The following ME3 variants were observed in gnomAD, a reference collection of about 807,000 sequenced individuals.
The protein encoded by ME3 is malic enzyme 3.
In ME3, 48 loss-of-function variants were observed where a neutral mutation model predicts 68.9. The observed-to-expected ratio is 0.70, with a 90% confidence interval of 0.55 to 0.89. The LOEUF (loss-of-function observed/expected upper bound fraction) is 0.89. Ranked by LOEUF, ME3 falls within the 40% of genes least tolerant of loss-of-function variation. The pLI, the probability that ME3 is intolerant of heterozygous loss-of-function variation, is 0.00. For synonymous variants in ME3, 320 were observed against 318.8 expected (o/e 1.00, Z -0.04); for missense variants, 675 against 797.4 (o/e 0.85, Z 1.85).
rs190644048 is a variant in ME3 at position 86,544,354 on chromosome 11, A to G, written c.467+12199T>C. Among the ~76,000 whole-genome samples the G allele has an allele frequency of 3.3e-3, 505 of 152,326 alleles. 3 individuals carry two copies. Among genetic ancestry groups the G allele is most frequent in the Admixed American group, 0.012 (177 of 15,296 alleles). On this transcript the variant is annotated intron_variant, in intron 4 of 14. Transcript: ENST00000543262. ...ACACAAAAAAAATTCAAAAAAATCAATGAATCCAGGAGCTGGTTTTTTGAA... is the reference window on the plus strand; with the variant it reads ...ACACAAAAAAAATTCAAAAAAATCAGTGAATCCAGGAGCTGGTTTTTTGAA...
At chr11:86,555,487 A>G (rs916066353) in intron 4 of ME3, among the ~76,000 whole-genome samples, 2 of 152,180 alleles carry the variant, frequency 1.3e-5, no homozygotes, top group Non-Finnish European at 2.9e-5. Flanking sequence ...GCCCTGGCAT[A>G]GTGAGCCTCT....
chr11:86,571,400 T>G (rs1051225736), intron 2 of ME3, among the ~76,000 whole-genome samples: 2 of 152,182 alleles, frequency 1.3e-5, no homozygotes, highest in African/African-American at 4.8e-5. Flanking sequence ...ATAACTAGTT[T>G]GTGGCAGCCT....
At chr11:86,492,178 G>T (rs1314895007) in intron 6 of ME3, among the ~76,000 whole-genome samples, 4 of 152,332 alleles carry the variant, frequency 2.6e-5, no homozygotes, top group Non-Finnish European at 2.9e-5. Context: ...CTGTTAAATA[G>T]GGAATAATGA....
chr11:86,662,638 T>TA (rs1275838928), intron 2 of ME3, among the ~76,000 whole-genome samples: 3 of 152,136 alleles, frequency 2.0e-5, no homozygotes, highest in Non-Finnish European at 4.4e-5. Context: ...ACAGGAATAA[T>TA]ATAATAACAG....
In ME3 at chr11:86,653,420, T is replaced by C. The variant is rs550398015; in HGVS notation, c.183+18342A>G. On this transcript the variant is annotated intron_variant, in intron 2 of 14. Coordinates refer to ENST00000543262, the Ensembl canonical transcript of ME3. ...CTCTCAGACCACAGTGCAATCAAAC[T>C]AGAACTCAGGATTAAGAAACTCTCT... Among the ~76,000 whole-genome samples the C allele has an allele frequency of 1.3e-4, 20 of 152,286 alleles. No individual in the cohort carries two copies. In the South Asian group the frequency reaches 3.9e-3, roughly 30 times the overall value.
intron 2 of ME3, among the ~76,000 whole-genome samples, chr11:86,562,362 G>C (rs1341999416): frequency 1.3e-5 from 2 of 152,184 alleles, no homozygotes; most frequent in Admixed American, 1.3e-4. Context: ...TTCCTGTGCA[G>C]GTTTTTGTGA....
rs144176128 is a variant in ME3, at chr11:86,630,143, T to C, written c.183+41619A>G. 4.0e-3 allele frequency among the ~76,000 whole-genome samples: 614 copies of C among 152,258 alleles called. 2 individuals carry two copies. The highest frequency in any genetic ancestry group is 0.018 in the South Asian group (89 of 4,814). On this transcript the variant is annotated intron_variant, in intron 2 of 14. Transcript: ENST00000543262. ...TTGTTTTGATCTATTTTACATACAG[T>C]GTATCCCCCCAAAAATGTTCTTTTG...
chr11:86,520,097 T>C (rs1473278675), intron 4 of ME3, among the ~76,000 whole-genome samples: 1 of 152,152 alleles, frequency 6.6e-6, no homozygotes, highest in Non-Finnish European at 1.5e-5. Context: ...GCCTCTGAGG[T>C]GGGAAGTTAC....
intron 8 of ME3, among the ~76,000 whole-genome samples, chr11:86,457,173 C>T (rs954592592): frequency 5.3e-5 from 8 of 152,222 alleles, no homozygotes; most frequent in African/African-American, 1.9e-4. Flanking sequence ...TCTACTGGAT[C>T]ATTCTCATCA....
chr11:86,496,775 A>G (rs1020464260), intron 6 of ME3, among the ~76,000 whole-genome samples: 3 of 152,186 alleles, frequency 2.0e-5, no homozygotes, highest in Admixed American at 6.5e-5. Flanking sequence ...ACTATGGAAT[A>G]ATGGTTAATA....
rs112463353 is a variant in ME3, at chr11:86,515,630, G to A, written c.468-6763C>T. 2.6e-5 allele frequency among the ~76,000 whole-genome samples: 4 copies of A among 152,268 alleles called. 1 individual carries two copies. The highest frequency in any genetic ancestry group is 1.9e-4 in the East Asian group (1 of 5,186). ...TGAATCTTAATATTTGTCTAACCTC[G>A]TCCAGTCTGGTAAGTCTGAAGGGGG... is the stretch of plus-strand genomic sequence containing the variant. On this transcript the variant is annotated intron_variant, in intron 4 of 14. Coordinates refer to ENST00000543262, the Ensembl canonical transcript of ME3.
intron 4 of ME3, among the ~76,000 whole-genome samples, chr11:86,534,081 G>GTATATATATATATATATATATA (rs57566563): frequency 4.5e-4 from 58 of 127,478 alleles, no homozygotes; most frequent in African/African-American, 1.8e-3. Flanking sequence ...GTGTGTGTGT[G>GTATATATATATATATATATATA]TATATATATA....
intron 8 of ME3, among the ~76,000 whole-genome samples, chr11:86,454,094 C>A (rs1455878929): frequency 6.6e-6 from 1 of 152,036 alleles, no homozygotes; most frequent in East Asian, 1.9e-4. Flanking sequence ...CAAAACAAAG[C>A]AAAAGGAAAT....
rs763263636 is a variant in ME3 at position 86,560,724 on chromosome 11, GTA to G, written c.184-903_184-902del. 7.1e-3 allele frequency among the ~76,000 whole-genome samples: 475 copies of G among 66,834 alleles called. 5 individuals are homozygous for G. The highest frequency in any genetic ancestry group is 0.027 in the South Asian group (39 of 1,420). The allele number at this position is 66,834 out of a possible 152,430, so 43.8% of individuals were successfully genotyped here. On this transcript the variant is annotated intron_variant, in intron 2 of 14. Transcript: ENST00000543262. ...ATGATATGTGTGTGTGTGTGTGTGT[GTA>G]TGTGTGTGTGTGTGTGTGTGTGTAT...
chr11:86,443,863 A>G (rs1043869817), intron 13 of ME3, among the ~76,000 whole-genome samples: 2 of 152,282 alleles, frequency 1.3e-5, no homozygotes, highest in Middle Eastern at 3.4e-3. Context: ...TCTGTCTCCT[A>G]ATTTCAGACC....
chr11:86,503,780 G>T (rs1036440329), intron 5 of ME3, among the ~76,000 whole-genome samples: 5 of 152,204 alleles, frequency 3.3e-5, no homozygotes, highest in African/African-American at 4.8e-5. Context: ...AGCAGAGGAG[G>T]GTCCCTTGGC....
intron 2 of ME3, among the ~76,000 whole-genome samples, chr11:86,659,908 ATTT>A (rs545825082): frequency 6.7e-6 from 1 of 149,794 alleles, no homozygotes; most frequent in African/African-American, 2.5e-5. Flanking sequence ...GGCTGGATCT[ATTT>A]TTTTTTTAAG....
At chr11:86,555,244 C>A (rs1282594996) in intron 4 of ME3, among the ~76,000 whole-genome samples, 1 of 152,170 alleles carries the variant, frequency 6.6e-6, no homozygotes, top group East Asian at 1.9e-4. Flanking sequence ...GGGCTTGATT[C>A]TTTAAGCCCT....
intron 2 of ME3, among the ~76,000 whole-genome samples, chr11:86,666,867 G>A (rs754081019): frequency 6.6e-6 from 1 of 152,124 alleles, no homozygotes; most frequent in Non-Finnish European, 1.5e-5. Context: ...CCTGATTGAT[G>A]AGCCAAATCC....
Sources: allele counts gnomAD v4.1 joint callset (sites outside exome capture counted in the v4.1 genomes callset), GRCh38; gene constraint gnomAD v4.1.1; transcripts MANE v1.5; gene names NCBI Gene and HGNC (gene_info 2026-07-23, HGNC 2026-07-21).